PCDHA6: variants seen among roughly 807,000 people sequenced by gnomAD.
PCDHA6 encodes the protein protocadherin alpha-6.
A neutral mutation model predicts 60.3 loss-of-function variants in PCDHA6; 55 were observed. That is an observed-to-expected ratio of 0.91 (90% CI 0.73 to 1.14). The LOEUF (loss-of-function observed/expected upper bound fraction) is 1.14, where lower values mean the gene tolerates loss of function less well. Among genes scored for constraint, PCDHA6 ranks in the 50% most tolerant of loss-of-function variants. The pLI is 0.00. For missense variants in PCDHA6, 1,327 were observed against 1,256.5 expected (o/e 1.06, Z -0.85); for synonymous variants, 652 against 557.9 (o/e 1.17, Z -2.38).
rs552517946 is a variant in PCDHA6 at position 140,913,359 on chromosome 5, A to G, written c.2395-65590A>G. Reference sequence around the variant, plus strand: ...TTTATCCATTTCCTCTAGATTTTTAAATTTATTGGCATATAGTGGCTCATC... The same window carrying G: ...TTTATCCATTTCCTCTAGATTTTTAGATTTATTGGCATATAGTGGCTCATC... On this transcript the variant is annotated intron_variant, in intron 1 of 3. Coordinates refer to ENST00000529310, the MANE Select transcript of PCDHA6 (RefSeq NM_018909.4). Among the ~76,000 whole-genome samples, 4 of 152,082 alleles carry G rather than the reference A, an allele frequency of 2.6e-5. No homozygotes were observed. In the East Asian group the frequency reaches 7.7e-4, roughly 29 times the overall value.
In PCDHA6 at chr5:140,828,561, C is replaced by G. The variant is rs2150156811; in HGVS notation, c.470C>G (p.Ala157Gly). The G allele has an allele frequency of 6.2e-7, 1 of 1,614,178 alleles. No individual in the cohort carries two copies. Among genetic ancestry groups the G allele is most frequent in the Admixed American group, 1.7e-5 (1 of 60,026 alleles). ...LPDSVFPLEG[A>G]SDADVGSNSI... is the part of the protein sequence containing the mutation. ...GATTCTGTGTTTCCACTGGAGGGCG[C>G]GTCCGATGCAGATGTTGGCTCAAAT... Residue 157 changes from alanine to glycine, a missense_variant, in exon 1 of 4, where the codon GCG (alanine) becomes GGG (glycine). Transcript: ENST00000529310.
At chr5:140,948,860 T>C (rs2094315023) in intron 1 of PCDHA6, among the ~76,000 whole-genome samples, 2 of 151,640 alleles carry the variant, frequency 1.3e-5, no homozygotes, top group Non-Finnish European at 3.0e-5. Flanking sequence ...CTTCTTATAT[T>C]ACTTCGGGTT....
chr5:140,871,146 T>G (rs372974792), intron 1 of PCDHA6: 2 of 1,613,386 alleles, frequency 1.2e-6, no homozygotes, highest in African/African-American at 2.7e-5. Flanking sequence ...CTTCCCGGAC[T>G]TTGGCGGGCG....
intron 1 of PCDHA6, chr5:140,877,758 G>C: frequency 6.2e-7 from 1 of 1,614,190 alleles, no homozygotes; most frequent in Non-Finnish European, 8.5e-7. Context: ...GCTCTGCAGA[G>C]AGCCCGCCCA....
chr5:140,836,030 G>C, intron 1 of PCDHA6: 1 of 1,613,484 alleles, frequency 6.2e-7, no homozygotes, highest in Non-Finnish European at 8.5e-7. Flanking sequence ...GCAGCAACGT[G>C]ACGCTGCAGG....
At chr5:140,966,678 C>G (rs2096036369) in intron 1 of PCDHA6, 8 of 1,313,236 alleles carry the variant, frequency 6.1e-6, no homozygotes, top group Non-Finnish European at 2.9e-6. Context: ...CAGGGTGGCA[C>G]GAGCGGAGGC....
At chr5:140,843,932 T>A (rs1404352255) in intron 1 of PCDHA6, 1 of 583,528 alleles carries the variant, frequency 1.7e-6, no homozygotes, top group Admixed American at 3.5e-5. Flanking sequence ...ACTCAAGTTA[T>A]GGTTGGATGA....
chr5:140,860,414 C>T (rs1180297544), intron 1 of PCDHA6: 1 of 152,016 alleles, frequency 6.6e-6, no homozygotes, highest in Non-Finnish European at 1.5e-5. Flanking sequence ...ATAGTAACAC[C>T]ATTATCCTGC....
intron 1 of PCDHA6, chr5:140,842,374 A>C: frequency 6.2e-7 from 1 of 1,609,340 alleles, no homozygotes; most frequent in Non-Finnish European, 8.5e-7. Flanking sequence ...CTGAGATAGC[A>C]CTGACTTCCT....
intron 1 of PCDHA6, chr5:140,867,841 C>T (rs1554161566): frequency 1.3e-5 from 2 of 151,958 alleles, no homozygotes; most frequent in African/African-American, 4.8e-5. Flanking sequence ...GGTAATTTAC[C>T]ATTTAGTTGA....
intron 3 of PCDHA6, among the ~76,000 whole-genome samples, chr5:140,998,111 T>A (rs1224150326): frequency 1.3e-5 from 2 of 152,108 alleles, no homozygotes; most frequent in African/African-American, 4.8e-5. Flanking sequence ...GAGGAGAAAA[T>A]TTACTTGTGA....
chr5:140,904,177 AC>A (rs1185990725), intron 1 of PCDHA6, among the ~76,000 whole-genome samples: 1 of 151,302 alleles, frequency 6.6e-6, no homozygotes, highest in Non-Finnish European at 1.5e-5. Flanking sequence ...TTTATTCCTC[AC>A]CCCCTTCCCA....
chr5:140,881,383 G>T (rs2058695337), intron 1 of PCDHA6: 1 of 984,212 alleles, frequency 1.0e-6, no homozygotes, highest in Non-Finnish European at 1.2e-6. Context: ...AGCCGGCGGC[G>T]GTAAGTTAAA....
chr5:140,877,432 C>A (rs782574302), intron 1 of PCDHA6: 1 of 1,613,874 alleles, frequency 6.2e-7, no homozygotes, highest in Non-Finnish European at 8.5e-7. Flanking sequence ...GGTGAAGGAC[C>A]ACGGTGAGCC....
Position 140,906,732 on chromosome 5 carries a change from T to G in PCDHA6, c.2395-72217T>G, listed in dbSNP as rs535007647. On this transcript the variant is annotated intron_variant, in intron 1 of 3. Coordinates refer to ENST00000529310, the MANE Select transcript of PCDHA6 (RefSeq NM_018909.4). ...CTGCCTGGATTGTGCTGTTGTAGTT[T>G]CCCATTGACACAGGGCATGGTAATA... Among the ~76,000 whole-genome samples, 14 of 152,296 alleles carry G rather than the reference T, an allele frequency of 9.2e-5. No individual in the cohort carries two copies. The South Asian group carries it at 2.7e-3, about 29-fold the overall frequency.
chr5:140,877,516 G>A, intron 1 of PCDHA6: 1 of 1,613,816 alleles, frequency 6.2e-7, no homozygotes, highest in Non-Finnish European at 8.5e-7. Flanking sequence ...GTCGTCGCGG[G>A]CCTCAGTGGG....
chr5:140,843,603 G>C lies in PCDHA6; in HGVS notation c.2394+13118G>C, dbSNP rs2150363259. ...CAACAGCCGCAGAGGGTGTGCTCTG[G>C]TGAGGGGCCACCGAAGACGGACCTC... On this transcript the variant is annotated intron_variant, in intron 1 of 3. Coordinates refer to ENST00000529310, the MANE Select transcript of PCDHA6 (RefSeq NM_018909.4). 45 of 1,596,084 alleles carry C rather than the reference G, an allele frequency of 2.8e-5. 3 individuals carry two copies. The East Asian group carries it at 3.1e-4, about 11-fold the overall frequency.
At chr5:141,002,097 G>A (rs782083569) in intron 3 of PCDHA6, among the ~76,000 whole-genome samples, 3 of 152,230 alleles carry the variant, frequency 2.0e-5, no homozygotes, top group Non-Finnish European at 4.4e-5. Flanking sequence ...TCCAGGGGCT[G>A]GGCCGGAAAC....
intron 1 of PCDHA6, chr5:140,849,388 T>G: frequency 6.5e-7 from 1 of 1,533,538 alleles, no homozygotes; most frequent in Non-Finnish European, 8.9e-7. Context: ...ATGGACCCCT[T>G]AAGTGGGGCA....
Sources: gnomAD v4.1 joint callset for allele counts (sites outside exome capture counted in the v4.1 genomes callset) on GRCh38, gnomAD v4.1.1 for gene constraint, MANE v1.5 for transcripts, NCBI Gene and HGNC (gene_info 2026-07-23, HGNC 2026-07-21) for gene names.